Variants in ZNF148 observed in about 807,000 individuals in gnomAD.
ZNF148 encodes the protein Beta-Enolase Repressor Factor-1.
ZNF148 carries 7 observed loss-of-function variants against 67.7 expected under a neutral mutation model. That is an observed-to-expected ratio of 0.10 (90% CI 0.06 to 0.19). The LOEUF is 0.19. ZNF148 is among the 10% of genes least tolerant of loss of function. The pLI is 1.00. For missense variants in ZNF148, 583 were observed against 947.1 expected (o/e 0.62, Z 5.05); for synonymous variants, 333 against 330.7 (o/e 1.01, Z -0.08).
chr3:125,228,800 A>G lies in ZNF148; in HGVS notation c.*3541T>C, dbSNP rs573449441. ...ACTGTGCAGAATTAAAGATTCAATC[A>G]TAGGTACATCCTTATTTGATGAACC... On this transcript the variant is annotated 3_prime_UTR_variant, in exon 9 of 9. Transcript: ENST00000360647. The G allele has an allele frequency of 6.5e-6, 1 of 152,762 alleles. No individual in the cohort carries two copies. The highest frequency in any genetic ancestry group is 2.1e-4 in the South Asian group (1 of 4,832). The allele number at this position is 152,762 out of a possible 1,614,324, so 9.5% of individuals were successfully genotyped here. A position where few individuals can be genotyped will look rare whatever the true frequency, so the allele number is the denominator to read the frequency against.
At chr3:125,363,404 C>G (rs970336532) in intron 1 of ZNF148, among the ~76,000 whole-genome samples, 1 of 152,196 alleles carries the variant, frequency 6.6e-6, no homozygotes, top group Admixed American at 6.5e-5. Context: ...GCCTCACACA[C>G]AGGTCAATGT....
At chr3:125,362,478 A>C (rs189178866) in intron 1 of ZNF148, among the ~76,000 whole-genome samples, 285 of 152,142 alleles carry the variant, frequency 1.9e-3, no homozygotes, top group Middle Eastern at 3.4e-3. Flanking sequence ...GAAGACCACA[A>C]AAAAAAACAA....
At chr3:125,237,715 ATAT>A (rs1936156833) in intron 7 of ZNF148, among the ~76,000 whole-genome samples, 1 of 152,220 alleles carries the variant, frequency 6.6e-6, no homozygotes, top group Non-Finnish European at 1.5e-5. Flanking sequence ...TTAATTCTAT[ATAT>A]TTGTGGATTG....
intron 1 of ZNF148, among the ~76,000 whole-genome samples, chr3:125,335,332 C>T (rs1941447935): frequency 6.6e-6 from 1 of 152,140 alleles, no homozygotes; most frequent in Non-Finnish European, 1.5e-5. Flanking sequence ...CACCATACAA[C>T]ACTCTCTTTC....
chr3:125,277,322 CTAAGGG>C (rs1938128248), intron 7 of ZNF148, among the ~76,000 whole-genome samples: 1 of 151,990 alleles, frequency 6.6e-6, no homozygotes, highest in Admixed American at 6.5e-5. Context: ...GATTACATGT[CTAAGGG>C]TAAGGTATAT....
chr3:125,340,757 C>G (rs895943872), intron 1 of ZNF148, among the ~76,000 whole-genome samples: 4 of 151,904 alleles, frequency 2.6e-5, no homozygotes, highest in Non-Finnish European at 5.9e-5. Context: ...GAGGCCGAGG[C>G]GGGCGGATCA....
intron 1 of ZNF148, among the ~76,000 whole-genome samples, chr3:125,336,220 T>C (rs201426289): frequency 2.0e-5 from 3 of 152,300 alleles, no homozygotes; most frequent in South Asian, 4.1e-4. Flanking sequence ...CCCAAAGCAA[T>C]GAAAGGATAA....
chr3:125,329,959 T>C (rs776410119), intron 2 of ZNF148, among the ~76,000 whole-genome samples: 8 of 152,184 alleles, frequency 5.3e-5, no homozygotes, highest in African/African-American at 9.6e-5. Flanking sequence ...TGGAAGGATA[T>C]ACAATGATTA....
chr3:125,316,359 C>T (rs762524572), intron 3 of ZNF148, among the ~76,000 whole-genome samples: 3 of 152,154 alleles, frequency 2.0e-5, no homozygotes, highest in Admixed American at 6.5e-5. Flanking sequence ...GGGAAATATA[C>T]CCAGCAGTGC....
intron 6 of ZNF148, 98 bp from the exon 7 acceptor site, chr3:125,277,907 T>G: frequency 2.1e-6 from 2 of 933,288 alleles, no homozygotes; most frequent in South Asian, 4.4e-5. Flanking sequence ...GCCCAAATTT[T>G]GGAAAATTAC....
At chr3:125,239,079 G>A (rs757236197) in intron 7 of ZNF148, among the ~76,000 whole-genome samples, 1 of 152,168 alleles carries the variant, frequency 6.6e-6, no homozygotes, top group Admixed American at 6.5e-5. Context: ...ATAGAAAGTA[G>A]AACAGTGGTT....
intron 4 of ZNF148, among the ~76,000 whole-genome samples, chr3:125,298,615 TA>T (rs1939414571): frequency 2.7e-5 from 4 of 145,766 alleles, no homozygotes; most frequent in Non-Finnish European, 3.0e-5. Context: ...ACATTTATAT[TA>T]AATTTTTTTT....
chr3:125,271,921 C>G (rs750831421), intron 7 of ZNF148, among the ~76,000 whole-genome samples: 1 of 152,170 alleles, frequency 6.6e-6, no homozygotes, highest in Non-Finnish European at 1.5e-5. Context: ...TCAGTTTTAA[C>G]TTGCTACCCT....
In ZNF148 at chr3:125,227,030, A is replaced by G. The variant is rs1474108480; in HGVS notation, c.*5311T>C. The G allele has an allele frequency of 6.6e-6, 1 of 152,068 alleles. No individual in the cohort carries two copies. Among genetic ancestry groups the G allele is most frequent in the African/African-American group, 2.4e-5 (1 of 41,426 alleles). The allele number at this position is 152,068 out of a possible 1,614,324, so 9.4% of individuals were successfully genotyped here. Reference sequence around the variant, plus strand: ...CCGAGTTTGCAGTTGAGTCCTTCCCAATGATTTCTTAGGGAGTTGAAGAAA... The same window carrying G: ...CCGAGTTTGCAGTTGAGTCCTTCCCGATGATTTCTTAGGGAGTTGAAGAAA... On this transcript the variant is annotated 3_prime_UTR_variant, in exon 9 of 9. Coordinates refer to ENST00000360647, the MANE Select transcript of ZNF148 (RefSeq NM_021964.3).
chr3:125,313,768 G>T, intron 3 of ZNF148, 112 bp from the exon 4 acceptor site: 2 of 896,884 alleles, frequency 2.2e-6, no homozygotes, highest in Non-Finnish European at 3.3e-6. Flanking sequence ...TTTTATTGAT[G>T]TACTTTGGAA....
At chr3:125,321,643 C>G (rs1940774798) in intron 3 of ZNF148, among the ~76,000 whole-genome samples, 1 of 151,814 alleles carries the variant, frequency 6.6e-6, no homozygotes, top group Non-Finnish European at 1.5e-5. Context: ...TAAGAAACAG[C>G]TATAATTTAT....
chr3:125,318,210 A>G (rs1310900386), intron 3 of ZNF148, among the ~76,000 whole-genome samples: 1 of 152,138 alleles, frequency 6.6e-6, no homozygotes, highest in Non-Finnish European at 1.5e-5. Context: ...CAAATACAAC[A>G]AAAGGTCCCA....
At chr3:125,313,255 C>T (rs929706272) in intron 4 of ZNF148, 53 bp downstream of exon 4, 57 of 1,469,784 alleles carry the variant, frequency 3.9e-5, no homozygotes, top group South Asian at 9.2e-5. Flanking sequence ...TGCAGTATTA[C>T]GTAACAAAAA....
chr3:125,322,682 C>T (rs915810175), intron 3 of ZNF148, among the ~76,000 whole-genome samples: 1 of 152,132 alleles, frequency 6.6e-6, no homozygotes, highest in Non-Finnish European at 1.5e-5. Flanking sequence ...TTTGCAGCCT[C>T]CATTTAATCT....
Sources: gnomAD v4.1 joint callset for allele counts (sites outside exome capture counted in the v4.1 genomes callset) on GRCh38, gnomAD v4.1.1 for gene constraint, MANE v1.5 for transcripts, NCBI Gene and HGNC (gene_info 2026-07-23, HGNC 2026-07-21) for gene names.